Variants in GRM7 observed in about 807,000 individuals in gnomAD.
The protein encoded by GRM7 is glutamate metabotropic receptor 7, also known as metabotropic glutamate receptor 7.
A neutral mutation model predicts 84.5 loss-of-function variants in GRM7; 35 were observed. That is an observed-to-expected ratio of 0.41 (90% CI 0.32 to 0.55). GRM7 has a LOEUF of 0.55. GRM7 is among the 20% of genes least tolerant of loss of function. The pLI is 0.19. For synonymous variants in GRM7, 487 were observed against 455.1 expected (o/e 1.07, Z -0.89); for missense variants, 1,003 against 1,194.6 (o/e 0.84, Z 2.36).
intron 2 of GRM7, among the ~76,000 whole-genome samples, chr3:7,259,504 C>T (rs1698329052): frequency 6.6e-6 from 1 of 152,076 alleles, no homozygotes; most frequent in South Asian, 2.1e-4. Flanking sequence ...GTGTTCTCAT[C>T]ATTTAGCCCC....
intron 8 of GRM7, among the ~76,000 whole-genome samples, chr3:7,629,545 C>A (rs567147071): frequency 6.6e-6 from 1 of 152,246 alleles, no homozygotes; most frequent in South Asian, 2.1e-4. Context: ...ACCCTTTTGA[C>A]CCCATTGATC....
chr3:6,988,211 G>C (rs574949209), intron 1 of GRM7, among the ~76,000 whole-genome samples: 1 of 129,870 alleles, frequency 7.7e-6, no homozygotes, highest in South Asian at 2.4e-4. Flanking sequence ...GGGTTTCACC[G>C]TGTTAGCCAG....
chr3:7,348,294 G>A (rs570728432), intron 4 of GRM7, among the ~76,000 whole-genome samples: 3 of 152,092 alleles, frequency 2.0e-5, no homozygotes, highest in African/African-American at 7.2e-5. Context: ...CACTAGGTCT[G>A]TTGCCTTATT....
At chr3:7,447,713 T>G (rs1182702843) in intron 5 of GRM7, among the ~76,000 whole-genome samples, 2 of 145,772 alleles carry the variant, frequency 1.4e-5, no homozygotes, top group Non-Finnish European at 3.1e-5. Context: ...TTCTCAGAAG[T>G]TCCCCAGCAA....
At chr3:7,597,191 C>T (rs556297179) in intron 8 of GRM7, among the ~76,000 whole-genome samples, 99 of 152,110 alleles carry the variant, frequency 6.5e-4, no homozygotes, top group Non-Finnish European at 1.3e-3. Context: ...ACGAGGGGGA[C>T]GTAGGCATCT....
At chr3:7,058,554 T>G (rs1697313223) in intron 1 of GRM7, among the ~76,000 whole-genome samples, 1 of 151,898 alleles carries the variant, frequency 6.6e-6, no homozygotes, top group East Asian at 1.9e-4. Context: ...TGGTGTTTAT[T>G]TTATATATCA....
chr3:7,414,938 GA>G (rs919699627), intron 4 of GRM7, 84 bp from the exon 5 acceptor site: 151 of 1,027,144 alleles, frequency 1.5e-4, no homozygotes, highest in Middle Eastern at 3.2e-4. Flanking sequence ...CTGAAACAAA[GA>G]AAAAAAAAGT....
At chr3:6,885,444 G>A (rs928019500) in intron 1 of GRM7, among the ~76,000 whole-genome samples, 1 of 152,190 alleles carries the variant, frequency 6.6e-6, no homozygotes, top group Non-Finnish European at 1.5e-5. Context: ...TAATTTATGG[G>A]TATTGCCATG....
chr3:6,923,041 A>C (rs190758883), intron 1 of GRM7, among the ~76,000 whole-genome samples: 11,047 of 151,642 alleles, frequency 0.073, 542 homozygotes, highest in Non-Finnish European at 0.11. Context: ...TTTGCAACGG[A>C]GTCTTGCTCT....
At chr3:7,553,108 C>T (rs1403876505) in intron 7 of GRM7, among the ~76,000 whole-genome samples, 2 of 152,170 alleles carry the variant, frequency 1.3e-5, no homozygotes, top group Non-Finnish European at 2.9e-5. Context: ...ATTTCTTCTT[C>T]CGGATACTCT....
At chr3:7,436,897 T>C (rs769802496) in intron 5 of GRM7, among the ~76,000 whole-genome samples, 2 of 150,614 alleles carry the variant, frequency 1.3e-5, no homozygotes, top group South Asian at 2.1e-4. Context: ...CTTTGGAATC[T>C]ATATTCTGGC....
intron 8 of GRM7, among the ~76,000 whole-genome samples, chr3:7,592,303 C>G (rs1294014351): frequency 1.3e-5 from 2 of 151,726 alleles, no homozygotes; most frequent in African/African-American, 4.8e-5. Flanking sequence ...ATGGGGCATA[C>G]AGTCTGCAAT....
At chr3:7,608,571 T>C (rs1696702223) in intron 8 of GRM7, among the ~76,000 whole-genome samples, 1 of 152,050 alleles carries the variant, frequency 6.6e-6, no homozygotes, top group Non-Finnish European at 1.5e-5. Context: ...TATAATAGGG[T>C]TTTTTCTTGT....
intron 2 of GRM7, among the ~76,000 whole-genome samples, chr3:7,213,658 C>A (rs73126271): frequency 1.3e-5 from 2 of 152,114 alleles, no homozygotes; most frequent in Non-Finnish European, 2.9e-5. Flanking sequence ...TGAACTTCTA[C>A]GCAGTCACAA....
chr3:6,970,961 C>G (rs764923057), intron 1 of GRM7, among the ~76,000 whole-genome samples: 27 of 149,734 alleles, frequency 1.8e-4, no homozygotes, highest in Non-Finnish European at 3.2e-4. Flanking sequence ...CAGCCTGGGC[C>G]ACAGAGCGAG....
At chr3:7,034,839 T>G (rs1696325984) in intron 1 of GRM7, among the ~76,000 whole-genome samples, 1 of 151,802 alleles carries the variant, frequency 6.6e-6, no homozygotes, top group Non-Finnish European at 1.5e-5. Flanking sequence ...AGCTCAGGAG[T>G]GAAAGTGTTG....
intron 7 of GRM7, among the ~76,000 whole-genome samples, chr3:7,535,820 T>G (rs1291063233): frequency 6.6e-6 from 1 of 152,214 alleles, no homozygotes; most frequent in Non-Finnish European, 1.5e-5. Flanking sequence ...CCAGCCCATG[T>G]TTTACTTGTC....
chr3:7,630,754 T>C (rs1344701503), intron 8 of GRM7, among the ~76,000 whole-genome samples: 1 of 152,186 alleles, frequency 6.6e-6, no homozygotes, highest in Middle Eastern at 3.2e-3. Context: ...CCCTAGATCA[T>C]AGACAAATGG....
At chr3:7,222,750 G>A (rs1385749166) in intron 2 of GRM7, among the ~76,000 whole-genome samples, 1 of 152,194 alleles carries the variant, frequency 6.6e-6, no homozygotes, top group African/African-American at 2.4e-5. Flanking sequence ...CTCAATCTCA[G>A]TTTCCCTTAT....
Sources: allele counts gnomAD v4.1 joint callset (sites outside exome capture counted in the v4.1 genomes callset), GRCh38; gene constraint gnomAD v4.1.1; transcripts MANE v1.5; gene names NCBI Gene and HGNC (gene_info 2026-07-23, HGNC 2026-07-21).